CDK6: variants seen among roughly 807,000 people sequenced by gnomAD.
CDK6 encodes the protein cyclin dependent kinase 6.
A neutral mutation model predicts 37.1 loss-of-function variants in CDK6; 6 were observed. The observed-to-expected ratio is 0.16, with a 90% CI of 0.09 to 0.32. The LOEUF is 0.32. CDK6 is among the 10% of genes least tolerant of loss of function. The probability of loss-of-function intolerance (pLI) is 1.00; values close to 1 mark genes in which losing one functional copy is unlikely to be tolerated. For missense variants in CDK6, 224 were observed against 418.9 expected (o/e 0.53, Z 4.06); for synonymous variants, 160 against 161.3 (o/e 0.99, Z 0.06).
chr7:92,647,600 T>C (rs1275039650), intron 5 of CDK6, among the ~76,000 whole-genome samples: 2 of 152,240 alleles, frequency 1.3e-5, no homozygotes, highest in Non-Finnish European at 2.9e-5. Flanking sequence ...CGAATCTTTA[T>C]TGAATGCTGA....
intron 2 of CDK6, among the ~76,000 whole-genome samples, chr7:92,817,907 G>C (rs904028344): frequency 6.6e-6 from 1 of 151,826 alleles, no homozygotes; most frequent in African/African-American, 2.4e-5. Context: ...TAAATGCAAA[G>C]AGATAAATTT....
Position 92,605,315 on chromosome 7 carries a change from A to T in CDK6, c.*9825T>A. The T allele has an allele frequency of 4.3e-6, 1 of 233,500 alleles. No homozygotes were observed. 14.5% of individuals were successfully genotyped at this position (233,500 alleles called of 1,614,324 possible). A position where few individuals can be genotyped will look rare whatever the true frequency, so the allele number is the denominator to read the frequency against. On this transcript the variant is annotated 3_prime_UTR_variant, in exon 8 of 8. Coordinates refer to ENST00000424848, the MANE Select transcript of CDK6 (RefSeq NM_001145306.2). The stretch of plus-strand genomic sequence containing the variant: ...AACCCTCTGAATTTTCTGACATGTT[A>T]CCTTTGCCACTGCAACAGAAACACC...
At chr7:92,630,326 C>G (rs1796023128) in intron 5 of CDK6, among the ~76,000 whole-genome samples, 1 of 137,012 alleles carries the variant, frequency 7.3e-6, no homozygotes, top group African/African-American at 3.0e-5. Flanking sequence ...CAAAGCCTCC[C>G]TTATCTCTTG....
At chr7:92,798,599 A>T (rs1349788439) in intron 2 of CDK6, among the ~76,000 whole-genome samples, 2 of 152,198 alleles carry the variant, frequency 1.3e-5, no homozygotes, top group African/African-American at 4.8e-5. Context: ...TCTACATATC[A>T]GTGAATAAAT....
At chr7:92,802,056 A>G (rs1481694774) in intron 2 of CDK6, among the ~76,000 whole-genome samples, 1 of 136,844 alleles carries the variant, frequency 7.3e-6, no homozygotes, top group Non-Finnish European at 1.5e-5. Flanking sequence ...ATTCATGGGG[A>G]ACAAGCGCAA....
intron 6 of CDK6, among the ~76,000 whole-genome samples, chr7:92,621,355 AGAACT>A (rs1345925430): frequency 1.3e-5 from 2 of 152,244 alleles, no homozygotes; most frequent in Non-Finnish European, 2.9e-5. Context: ...TGCCAAAAGC[AGAACT>A]GGCTTTTCTT....
intron 3 of CDK6, among the ~76,000 whole-genome samples, chr7:92,764,550 C>A (rs528483710): frequency 6.6e-6 from 1 of 152,280 alleles, no homozygotes; most frequent in East Asian, 1.9e-4. Flanking sequence ...TTCAGGCCAA[C>A]CTCTCCTCCT....
chr7:92,763,139 T>A (rs559666219), intron 3 of CDK6, among the ~76,000 whole-genome samples: 185 of 152,268 alleles, frequency 1.2e-3, no homozygotes, highest in Admixed American at 1.8e-3. Flanking sequence ...AATATAAAAA[T>A]CAGCAAAACT....
rs1233686406 is a variant in CDK6, at chr7:92,729,932, G to T, written c.370-4139C>A. On this transcript the variant is annotated intron_variant, in intron 3 of 7. Coordinates refer to ENST00000424848, the MANE Select transcript of CDK6 (RefSeq NM_001145306.2). ...TTTTTAAACTTTTTGTAGAGACAGG[G>T]TCTTGCTATGTTGCCCAGGCTGGTC... Among the ~76,000 whole-genome samples, 4 of 152,194 alleles carry T rather than the reference G, an allele frequency of 2.6e-5. No homozygotes were observed. The East Asian group carries it at 7.7e-4, about 29-fold the overall frequency.
intron 3 of CDK6, among the ~76,000 whole-genome samples, chr7:92,737,040 T>C (rs1057274616): frequency 3.3e-5 from 5 of 152,198 alleles, no homozygotes; most frequent in African/African-American, 7.2e-5. Flanking sequence ...CTAACCTTCG[T>C]TTCTTCATCT....
intron 2 of CDK6, among the ~76,000 whole-genome samples, chr7:92,805,925 A>G (rs1208962928): frequency 6.6e-6 from 1 of 152,124 alleles, no homozygotes; most frequent in African/African-American, 2.4e-5. Context: ...CTTGTAGGGG[A>G]AGGGGAGTGA....
chr7:92,707,406 A>G (rs930563365), intron 4 of CDK6, among the ~76,000 whole-genome samples: 2 of 152,242 alleles, frequency 1.3e-5, no homozygotes, highest in African/African-American at 2.4e-5. Flanking sequence ...TATACTGTGT[A>G]TAATAGCCGT....
At chr7:92,815,049 A>G (rs1800992108) in intron 2 of CDK6, among the ~76,000 whole-genome samples, 1 of 152,202 alleles carries the variant, frequency 6.6e-6, no homozygotes, top group Admixed American at 6.6e-5. Flanking sequence ...CAGAAGCTGG[A>G]CTACGAGTCA....
intron 4 of CDK6, among the ~76,000 whole-genome samples, chr7:92,696,962 G>C (rs570939760): frequency 6.6e-6 from 1 of 152,324 alleles, no homozygotes; most frequent in Admixed American, 6.5e-5. Context: ...GAATGAGAGA[G>C]AGAATTTTCT....
At chr7:92,774,649 C>T (rs1326536467) in intron 3 of CDK6, 47 bp downstream of exon 3, 1 of 1,517,908 alleles carries the variant, frequency 6.6e-7, no homozygotes, top group East Asian at 2.5e-5. Flanking sequence ...GCTTAACAGA[C>T]TATAATAGTC....
At chr7:92,738,300 C>T (rs750197066) in intron 3 of CDK6, among the ~76,000 whole-genome samples, 6 of 152,022 alleles carry the variant, frequency 3.9e-5, no homozygotes, top group Non-Finnish European at 7.4e-5. Context: ...ACTGGGTTAA[C>T]GATCTAATGA....
intron 5 of CDK6, among the ~76,000 whole-genome samples, chr7:92,623,356 A>G (rs1795847562): frequency 6.6e-6 from 1 of 152,154 alleles, no homozygotes; most frequent in South Asian, 2.1e-4. Context: ...CAACAGTGCT[A>G]CCGTCAAATT....
chr7:92,785,473 A>G (rs1372437307), intron 2 of CDK6, among the ~76,000 whole-genome samples: 2 of 152,162 alleles, frequency 1.3e-5, no homozygotes, highest in Non-Finnish European at 2.9e-5. Flanking sequence ...GATCATGGTG[A>G]TAGCTGTGCA....
chr7:92,783,779 C>T (rs1778392446), intron 2 of CDK6, among the ~76,000 whole-genome samples: 2 of 152,156 alleles, frequency 1.3e-5, no homozygotes, highest in Admixed American at 1.3e-4. Context: ...ATTCCTACCA[C>T]ACGATCAGCA....
Sources: gnomAD v4.1 joint callset for allele counts (sites outside exome capture counted in the v4.1 genomes callset) on GRCh38, gnomAD v4.1.1 for gene constraint, MANE v1.5 for transcripts, NCBI Gene and HGNC (gene_info 2026-07-23, HGNC 2026-07-21) for gene names.